Variants in HEMK2 observed in about 807,000 individuals in gnomAD.
HEMK2 encodes methyltransferase HEMK2.
At chr21:28,809,919 T>C in the HEMK2 span, among the ~76,000 whole-genome samples, 2 of 152,170 alleles carry the variant, frequency 1.3e-5, no homozygotes, top group East Asian at 3.8e-4. Flanking sequence ...CTTGTAAGGT[T>C]ATCCATTTCT....
At chr21:28,711,013 C>T in the HEMK2 span, among the ~76,000 whole-genome samples, 2,874 of 152,158 alleles carry the variant, frequency 0.019, 94 homozygotes, top group African/African-American at 0.064. Context: ...TTGTCAAGCT[C>T]CAGAGCCTTG....
At chr21:28,832,528 G>T in the HEMK2 span, among the ~76,000 whole-genome samples, 9 of 152,230 alleles carry the variant, frequency 5.9e-5, no homozygotes, top group South Asian at 1.9e-3. Context: ...TTGAATTGAG[G>T]GTGGATTCTG....
chr21:28,648,111 T>C, the HEMK2 span, among the ~76,000 whole-genome samples: 1 of 152,230 alleles, frequency 6.6e-6, no homozygotes, highest in Non-Finnish European at 1.5e-5. Flanking sequence ...GCATACCTCC[T>C]TCCCATTCAG....
chr21:28,838,085 G>A, the HEMK2 span, among the ~76,000 whole-genome samples: 206 of 152,290 alleles, frequency 1.4e-3, 1 homozygote, highest in African/African-American at 4.2e-3. Flanking sequence ...GGACCTGACA[G>A]ATTCACAGCA....
At chr21:28,605,982 T>C in the HEMK2 span, among the ~76,000 whole-genome samples, 2 of 152,202 alleles carry the variant, frequency 1.3e-5, no homozygotes, top group South Asian at 2.1e-4. Flanking sequence ...TTTTGGCCAA[T>C]ATGTTAAAGT....
chr21:28,705,981 T>C, the HEMK2 span, among the ~76,000 whole-genome samples: 1 of 152,220 alleles, frequency 6.6e-6, no homozygotes, highest in East Asian at 1.9e-4. Context: ...TCCAAGATAA[T>C]TTCTAAATCT....
chr21:28,695,306 G>A, the HEMK2 span, among the ~76,000 whole-genome samples: 1 of 152,032 alleles, frequency 6.6e-6, no homozygotes, highest in Admixed American at 6.5e-5. Flanking sequence ...TTGAAGATGG[G>A]GCCTAATGAC....
At chr21:28,796,084 C>T in the HEMK2 span, among the ~76,000 whole-genome samples, 1 of 152,160 alleles carries the variant, frequency 6.6e-6, no homozygotes, top group African/African-American at 2.4e-5. Context: ...TTTTCCTGCT[C>T]TTAAGAGACA....
the HEMK2 span, among the ~76,000 whole-genome samples, chr21:28,672,443 A>T: frequency 6.6e-6 from 1 of 152,120 alleles, no homozygotes; most frequent in Non-Finnish European, 1.5e-5. Flanking sequence ...AAGACTCTTG[A>T]GGTGAATCCT....
chr21:28,783,151 T>G, the HEMK2 span, among the ~76,000 whole-genome samples: 1 of 152,214 alleles, frequency 6.6e-6, no homozygotes, highest in Non-Finnish European at 1.5e-5. Flanking sequence ...ACACAAAATT[T>G]ATTTGTTTCT....
chr21:28,630,581 A>G, the HEMK2 span, among the ~76,000 whole-genome samples: 49 of 152,094 alleles, frequency 3.2e-4, 1 homozygote, highest in Admixed American at 2.7e-3. Context: ...CATATACACC[A>G]TGGAATACTA....
chr21:28,786,768 A>G, the HEMK2 span, among the ~76,000 whole-genome samples: 1 of 152,128 alleles, frequency 6.6e-6, no homozygotes, highest in African/African-American at 2.4e-5. Context: ...ATTAAAATCT[A>G]TTTTCAAAAC....
the HEMK2 span, among the ~76,000 whole-genome samples, chr21:28,710,223 C>T: frequency 3.9e-4 from 59 of 152,200 alleles, no homozygotes; most frequent in African/African-American, 1.4e-3. Flanking sequence ...AAAACCAACA[C>T]GAAGTGGTTA....
the HEMK2 span, among the ~76,000 whole-genome samples, chr21:28,707,256 ATTT>A: frequency 2.9e-5 from 4 of 140,072 alleles, no homozygotes; most frequent in Admixed American, 7.2e-5. Context: ...CACAATTTTA[ATTT>A]TTTTTTTTTT....
the HEMK2 span, among the ~76,000 whole-genome samples, chr21:28,866,153 AACAAAAACAAAC>A: frequency 0.012 from 994 of 85,714 alleles, 154 homozygotes; most frequent in African/African-American, 0.042. Context: ...CTACAGAAAA[AACAAAAACAAAC>A]AAAAAAAAAA....
chr21:28,649,013 C>T, the HEMK2 span, among the ~76,000 whole-genome samples: 1 of 149,414 alleles, frequency 6.7e-6, no homozygotes, highest in Non-Finnish European at 1.5e-5. Flanking sequence ...TCAATTTCCA[C>T]CTATGAGTGA....
chr21:28,610,911 G>A, the HEMK2 span, among the ~76,000 whole-genome samples: 12 of 152,028 alleles, frequency 7.9e-5, no homozygotes, highest in Admixed American at 2.6e-4. Flanking sequence ...ATTACTACTA[G>A]GCCTAAGAAA....
At chr21:28,612,360 A>G in the HEMK2 span, among the ~76,000 whole-genome samples, 2 of 152,188 alleles carry the variant, frequency 1.3e-5, no homozygotes, top group African/African-American at 4.8e-5. Flanking sequence ...ATGCAAAAAA[A>G]AGCATTTGAC....
chr21:28,741,463 T>C, the HEMK2 span, among the ~76,000 whole-genome samples: 2 of 152,210 alleles, frequency 1.3e-5, no homozygotes, highest in Admixed American at 6.5e-5. Flanking sequence ...ACTTGTGTCA[T>C]GGGGGTTTGT....
Sources: gnomAD v4.1 joint callset for allele counts (sites outside exome capture counted in the v4.1 genomes callset) on GRCh38, gnomAD v4.1.1 for gene constraint, MANE v1.5 for transcripts, NCBI Gene and HGNC (gene_info 2026-07-23, HGNC 2026-07-21) for gene names.